RELN: variants seen among roughly 807,000 people sequenced by gnomAD.
RELN encodes reelin.
A neutral mutation model predicts 427.6 loss-of-function variants in RELN; 108 were observed. The ratio of observed to expected loss-of-function variants is 0.25; its 90% CI spans 0.22 to 0.30. The LOEUF (loss-of-function observed/expected upper bound fraction) is 0.30, where lower values mean the gene tolerates loss of function less well. RELN is among the 10% of genes least tolerant of loss of function. The probability of loss-of-function intolerance (pLI) is 1.00; values close to 1 mark genes in which losing one functional copy is unlikely to be tolerated. For synonymous variants in RELN, 1,524 were observed against 1,513.4 expected, an observed-to-expected ratio of 1.01 and a Z score of -0.16; for missense variants, 3,715 against 4,302.8, an observed-to-expected ratio of 0.86 and a Z score of 3.82.
chr7:103,777,431 T>C (rs262339), intron 3 of RELN, among the ~76,000 whole-genome samples: 51,820 of 152,032 alleles, frequency 0.34, 8,846 homozygotes, highest in East Asian at 0.47. Flanking sequence ...TACACAAAAC[T>C]TTTTTTAATA....
intron 8 of RELN, among the ~76,000 whole-genome samples, chr7:103,720,889 A>T (rs533615223): frequency 1.2e-4 from 18 of 152,244 alleles, no homozygotes; most frequent in African/African-American, 4.3e-4. Context: ...ACATTTCTGG[A>T]AAGTTCTGCC....
At chr7:103,800,562 CT>C (rs1256410013) in intron 3 of RELN, among the ~76,000 whole-genome samples, 3 of 152,200 alleles carry the variant, frequency 2.0e-5, no homozygotes, top group African/African-American at 7.2e-5. Flanking sequence ...TTCCTTACAC[CT>C]TATACAAAAA....
rs373915549 is a variant in RELN at position 103,629,025 on chromosome 7, G to C, written c.2702+915C>G. ...GAATACGCCATGGTCACTCTCGCCTGGGGGAACTGTGTGCACTGCAGTTTC... is the reference window on the plus strand; with the variant it reads ...GAATACGCCATGGTCACTCTCGCCTCGGGGAACTGTGTGCACTGCAGTTTC... On this transcript the variant is annotated intron_variant, in intron 20 of 64. Coordinates refer to ENST00000428762, the MANE Select transcript of RELN (RefSeq NM_005045.4). 2.0e-5 allele frequency among the ~76,000 whole-genome samples: 3 copies of C among 152,310 alleles called. No homozygotes were observed. In the East Asian group the frequency reaches 5.8e-4, roughly 29 times the overall value.
intron 4 of RELN, among the ~76,000 whole-genome samples, chr7:103,759,495 A>G (rs1791242411): frequency 6.6e-6 from 1 of 152,146 alleles, no homozygotes; most frequent in Admixed American, 6.5e-5. Flanking sequence ...TTTTTGAATA[A>G]ATGATGGAAA....
intron 3 of RELN, among the ~76,000 whole-genome samples, chr7:103,790,354 G>T (rs1448537781): frequency 6.6e-6 from 1 of 151,916 alleles, no homozygotes; most frequent in Non-Finnish European, 1.5e-5. Context: ...TATTCCACTG[G>T]ATAGCTATAT....
intron 1 of RELN, among the ~76,000 whole-genome samples, chr7:103,931,841 T>C (rs1381705070): frequency 3.3e-5 from 5 of 152,102 alleles, no homozygotes. Context: ...CTCTCAGAAG[T>C]AGACCTGGAG....
intron 3 of RELN, among the ~76,000 whole-genome samples, chr7:103,793,702 A>G (rs1233496186): frequency 1.3e-5 from 2 of 152,212 alleles, no homozygotes; most frequent in African/African-American, 4.8e-5. Context: ...AAGGAACAAG[A>G]GATGGGAAAG....
intron 53 of RELN, 85 bp from the exon 54 acceptor site, chr7:103,498,337 G>C: frequency 1.6e-6 from 2 of 1,246,564 alleles, no homozygotes. Context: ...GTGATGTCTT[G>C]GACTTAAAAA....
At chr7:103,856,889 C>A (rs1584302556) in intron 2 of RELN, among the ~76,000 whole-genome samples, 1 of 150,690 alleles carries the variant, frequency 6.6e-6, no homozygotes, top group African/African-American at 2.4e-5. Context: ...CCTGTTCTAA[C>A]CCATCATCAC....
chr7:103,988,467 A>G lies in RELN; in HGVS notation c.226+664T>C, dbSNP rs1797147981. On this transcript the variant is annotated intron_variant, in intron 1 of 64. Transcript: ENST00000428762. This position sits in a 1 kb window ranked among gnomAD's most constrained non-coding sequence, Gnocchi z 4.9. The stretch of plus-strand genomic sequence containing the variant: ...AAACATCACAAAGATAATTCTAACA[A>G]GAAGCACCATGTAAAAGTAAGGCAG... 6.6e-6 allele frequency among the ~76,000 whole-genome samples: 1 copy of G among 152,270 alleles called. No homozygotes were observed. The highest frequency in any genetic ancestry group is 2.1e-4 in the South Asian group (1 of 4,834).
chr7:103,511,295 T>C (rs1829404849), intron 50 of RELN, among the ~76,000 whole-genome samples: 1 of 152,192 alleles, frequency 6.6e-6, no homozygotes, highest in African/African-American at 2.4e-5. Flanking sequence ...AGGAAATAAC[T>C]AATTTTTTGA....
chr7:103,624,624 CA>C (rs1292569043), intron 20 of RELN, among the ~76,000 whole-genome samples: 3 of 152,134 alleles, frequency 2.0e-5, no homozygotes, highest in Admixed American at 2.0e-4. Context: ...GACGGGATTT[CA>C]CCAGGTTGGC....
chr7:103,750,841 C>T (rs1790980685), intron 5 of RELN, among the ~76,000 whole-genome samples: 1 of 152,184 alleles, frequency 6.6e-6, no homozygotes, highest in Admixed American at 6.5e-5. Context: ...GGGAGCCATA[C>T]ATGGTTTTAA....
chr7:103,645,733 A>G (rs191396736), intron 16 of RELN, among the ~76,000 whole-genome samples: 62 of 151,916 alleles, frequency 4.1e-4, no homozygotes, highest in African/African-American at 1.5e-3. Context: ...ACTGAGACAG[A>G]AATTCAACAA....
intron 1 of RELN, among the ~76,000 whole-genome samples, chr7:103,932,519 C>T (rs988337671): frequency 1.2e-4 from 19 of 152,252 alleles, no homozygotes; most frequent in Non-Finnish European, 2.6e-4. Context: ...CAAATCTGCA[C>T]GTGTACCCCT....
At chr7:103,777,233 T>G (rs1164198985) in intron 3 of RELN, among the ~76,000 whole-genome samples, 2 of 152,122 alleles carry the variant, frequency 1.3e-5, no homozygotes, top group East Asian at 3.9e-4. Flanking sequence ...GGAAAAAAAA[T>G]AACATCCTTG....
chr7:103,708,710 G>A (rs1159216691), intron 8 of RELN, among the ~76,000 whole-genome samples: 1 of 151,946 alleles, frequency 6.6e-6, no homozygotes, highest in Non-Finnish European at 1.5e-5. Flanking sequence ...TGATCCGCCC[G>A]TCTTGGCCTC....
intron 3 of RELN, among the ~76,000 whole-genome samples, chr7:103,809,677 T>C (rs889690750): frequency 3.9e-5 from 6 of 152,218 alleles, no homozygotes; most frequent in African/African-American, 1.4e-4. Context: ...GGGCTGTGAA[T>C]GGTATTTACA....
intron 36 of RELN, among the ~76,000 whole-genome samples, chr7:103,558,850 A>G (rs1370769630): frequency 6.6e-6 from 1 of 152,194 alleles, no homozygotes; most frequent in Non-Finnish European, 1.5e-5. Context: ...CTCTTTACGG[A>G]TGCACGGCTG....
Sources: gnomAD v4.1 joint callset for allele counts (sites outside exome capture counted in the v4.1 genomes callset) on GRCh38, gnomAD v4.1.1 for gene constraint, Gnocchi (gnomAD v3.1) non-coding constraint, MANE v1.5 for transcripts, NCBI Gene and HGNC (gene_info 2026-07-23, HGNC 2026-07-21) for gene names.